TMEM163: variants seen among roughly 807,000 people sequenced by gnomAD.
The protein encoded by TMEM163 is transmembrane protein 163.
In TMEM163, 17 loss-of-function variants were observed where a neutral mutation model predicts 29.3. That is an observed-to-expected ratio of 0.58 (90% confidence interval 0.40 to 0.87). The LOEUF is 0.87. TMEM163 is among the 40% of genes least tolerant of loss of function. TMEM163 has a pLI of 0.00. For missense variants in TMEM163, 303 were observed against 381.5 expected (o/e 0.79, Z 1.71); for synonymous variants, 157 against 160.6 (o/e 0.98, Z 0.17).
Position 134,479,613 on chromosome 2 carries a change from C to T in TMEM163, c.556-13388G>A, listed in dbSNP as rs181781017. Among the ~76,000 whole-genome samples, 4 of 152,280 alleles carry T rather than the reference C, an allele frequency of 2.6e-5. No individual in the cohort carries two copies. The East Asian group carries it at 7.7e-4, about 29-fold the overall frequency. The stretch of plus-strand genomic sequence containing the variant: ...AGGGCGAGCATCCCTTCTGTACAAA[C>T]GTGAGGTGGTCTTAAAACCATACAG... On this transcript the variant is annotated intron_variant, in intron 5 of 7. Coordinates refer to ENST00000281924, the MANE Select transcript of TMEM163 (RefSeq NM_030923.5).
intron 4 of TMEM163, among the ~76,000 whole-genome samples, chr2:134,509,503 T>C (rs1473931250): frequency 6.6e-6 from 1 of 152,250 alleles, no homozygotes; most frequent in Non-Finnish European, 1.5e-5. Flanking sequence ...CAGGTCTACA[T>C]GCCAGTCTCT....
chr2:134,674,300 G>A (rs1402682522), intron 2 of TMEM163, among the ~76,000 whole-genome samples: 2 of 150,958 alleles, frequency 1.3e-5, no homozygotes. Flanking sequence ...TCTCTGGAGG[G>A]TAGGATGTGA....
chr2:134,626,546 C>T (rs971557020), intron 2 of TMEM163, among the ~76,000 whole-genome samples: 3 of 152,180 alleles, frequency 2.0e-5, no homozygotes, highest in African/African-American at 4.8e-5. Flanking sequence ...TTGCGTTGGG[C>T]CCATCCGGAT....
At chr2:134,664,861 GT>G (rs978053576) in intron 2 of TMEM163, among the ~76,000 whole-genome samples, 9 of 151,258 alleles carry the variant, frequency 6.0e-5, no homozygotes, top group African/African-American at 1.9e-4. Context: ...AAATTGTTGG[GT>G]TTTTTTTTGT....
intron 4 of TMEM163, among the ~76,000 whole-genome samples, chr2:134,532,920 T>A (rs1275327434): frequency 6.6e-6 from 1 of 152,134 alleles, no homozygotes; most frequent in African/African-American, 2.4e-5. Context: ...ACTTTGGGAG[T>A]GACAGGTCTG....
intron 2 of TMEM163, among the ~76,000 whole-genome samples, chr2:134,669,186 C>T (rs1683937764): frequency 6.6e-6 from 1 of 152,202 alleles, no homozygotes; most frequent in African/African-American, 2.4e-5. Flanking sequence ...AAGTCCCTCA[C>T]CACAGCAAAT....
intron 2 of TMEM163, among the ~76,000 whole-genome samples, chr2:134,661,640 G>A (rs532259561): frequency 6.6e-5 from 10 of 152,326 alleles, no homozygotes; most frequent in Admixed American, 2.6e-4. Context: ...ATGATCTTGA[G>A]AGCAGCCATT....
chr2:134,567,938 C>T (rs1457694590), intron 2 of TMEM163, among the ~76,000 whole-genome samples: 1 of 152,184 alleles, frequency 6.6e-6, no homozygotes, highest in African/African-American at 2.4e-5. Context: ...TTGGCTATAT[C>T]GTCTCCTCTG....
chr2:134,486,433 G>A (rs1295550574), intron 5 of TMEM163, among the ~76,000 whole-genome samples: 2 of 151,722 alleles, frequency 1.3e-5, no homozygotes, highest in Non-Finnish European at 2.9e-5. Flanking sequence ...TTTGGGCAAG[G>A]TTGCTTGAGA....
chr2:134,502,141 A>G (rs1031415287), intron 5 of TMEM163, among the ~76,000 whole-genome samples: 1 of 152,208 alleles, frequency 6.6e-6, no homozygotes, highest in Non-Finnish European at 1.5e-5. Context: ...TTTTGGTCTT[A>G]TATCAGATGG....
chr2:134,525,850 T>C (rs949998445), intron 4 of TMEM163, among the ~76,000 whole-genome samples: 1 of 152,202 alleles, frequency 6.6e-6, no homozygotes, highest in African/African-American at 2.4e-5. Flanking sequence ...TGTCCAGTAG[T>C]CCAGAAAAGC....
At chr2:134,524,505 T>C (rs1442685620) in intron 4 of TMEM163, among the ~76,000 whole-genome samples, 5 of 150,020 alleles carry the variant, frequency 3.3e-5, no homozygotes, top group Non-Finnish European at 5.9e-5. Context: ...GCATTTGCTA[T>C]TTATCCTGAT....
intron 2 of TMEM163, among the ~76,000 whole-genome samples, chr2:134,697,039 G>T (rs1676412855): frequency 2.0e-5 from 3 of 152,028 alleles, no homozygotes; most frequent in Admixed American, 2.0e-4. Context: ...ACCTCCCAAA[G>T]TTCTGGGATT....
intron 2 of TMEM163, among the ~76,000 whole-genome samples, chr2:134,636,079 C>CA (rs1683096749): frequency 6.6e-6 from 1 of 152,174 alleles, no homozygotes. Flanking sequence ...ATGGAACTCT[C>CA]AATTGTCTCT....
intron 2 of TMEM163, among the ~76,000 whole-genome samples, chr2:134,672,039 C>T (rs1052325273): frequency 2.0e-5 from 3 of 152,092 alleles, no homozygotes; most frequent in African/African-American, 4.8e-5. Context: ...ACAGTTCATC[C>T]ACCACCCCTC....
At chr2:134,557,515 T>A (rs76391124) in intron 2 of TMEM163, among the ~76,000 whole-genome samples, 1 of 152,188 alleles carries the variant, frequency 6.6e-6, no homozygotes, top group Admixed American at 6.5e-5. Context: ...TCTATCAATA[T>A]GTGTAAGATA....
intron 2 of TMEM163, among the ~76,000 whole-genome samples, chr2:134,556,228 C>T (rs953913553): frequency 6.6e-6 from 1 of 152,186 alleles, no homozygotes; most frequent in Admixed American, 6.5e-5. Flanking sequence ...CTCTACTCCT[C>T]AAATACATTA....
intron 2 of TMEM163, among the ~76,000 whole-genome samples, chr2:134,645,725 TATA>T (rs1360216473): frequency 6.6e-6 from 1 of 152,192 alleles, no homozygotes; most frequent in African/African-American, 2.4e-5. Flanking sequence ...CAAAAGGTTA[TATA>T]CTATACAATT....
chr2:134,683,437 A>G (rs1329863527), intron 2 of TMEM163, among the ~76,000 whole-genome samples: 1 of 152,100 alleles, frequency 6.6e-6, no homozygotes, highest in Non-Finnish European at 1.5e-5. Context: ...AAAAAAAAAA[A>G]AAAGAAAAGA....
Sources: gnomAD v4.1 joint callset for allele counts (sites outside exome capture counted in the v4.1 genomes callset) on GRCh38, gnomAD v4.1.1 for gene constraint, MANE v1.5 for transcripts, NCBI Gene and HGNC (gene_info 2026-07-23, HGNC 2026-07-21) for gene names.